Variants in LRTM3 observed in about 807,000 individuals in gnomAD.
LRTM3 encodes the protein leucine-rich repeat transmembrane protein 3.
the LRTM3 span, chr13:102,758,607 A>G: frequency 6.6e-7 from 1 of 1,525,980 alleles, no homozygotes; most frequent in Non-Finnish European, 8.8e-7. Flanking sequence ...TTGTTAGAGG[A>G]GTAATCGGAG....
At chr13:102,731,577 A>G in the LRTM3 span, 1 of 1,551,444 alleles carries the variant, frequency 6.4e-7, no homozygotes, top group Non-Finnish European at 8.7e-7. Flanking sequence ...TCAGGCTTAT[A>G]GGCTTGTATG....
At chr13:102,741,040 A>G in the LRTM3 span, 1 of 1,549,992 alleles carries the variant, frequency 6.5e-7, no homozygotes, top group Non-Finnish European at 8.7e-7. Flanking sequence ...GAACTTTTGA[A>G]CTCATGATTT....
At chr13:102,729,458 T>C in the LRTM3 span, 7 of 1,453,052 alleles carry the variant, frequency 4.8e-6, no homozygotes, top group South Asian at 9.3e-5. Flanking sequence ...ATGTCAGCTA[T>C]GAAAAACGGT....
the LRTM3 span, chr13:102,736,798 G>C: frequency 6.4e-7 from 1 of 1,550,998 alleles, no homozygotes; most frequent in South Asian, 1.2e-5. Flanking sequence ...TATCCTTTTG[G>C]ATCTGGGCCA....
the LRTM3 span, among the ~76,000 whole-genome samples, chr13:102,756,244 G>A: frequency 6.7e-6 from 1 of 148,550 alleles, no homozygotes; most frequent in African/African-American, 2.5e-5. Context: ...GAGCCACCGT[G>A]TTACACATAC....
At chr13:102,740,496 T>C in the LRTM3 span, 1 of 1,550,104 alleles carries the variant, frequency 6.5e-7, no homozygotes, top group South Asian at 1.2e-5. Context: ...TCCCAAAAGT[T>C]CTCATAGGAA....
At chr13:102,735,444 A>G in the LRTM3 span, 14 of 1,551,170 alleles carry the variant, frequency 9.0e-6, no homozygotes, top group Non-Finnish European at 1.2e-5. Flanking sequence ...GTTGTATCAA[A>G]CTTAAGATAT....
chr13:102,745,817 A>G, the LRTM3 span: 1 of 1,551,180 alleles, frequency 6.4e-7, no homozygotes, highest in African/African-American at 1.4e-5. Context: ...ATGACTCTCT[A>G]CCTTTTCAAA....
the LRTM3 span, chr13:102,737,832 C>T: frequency 1.3e-6 from 2 of 1,550,970 alleles, no homozygotes; most frequent in East Asian, 4.9e-5. Context: ...TGGTCTTCCT[C>T]TCCTTCTATT....
chr13:102,755,938 TATACA>T, the LRTM3 span, among the ~76,000 whole-genome samples: 4 of 34,798 alleles, frequency 1.1e-4, no homozygotes, highest in African/African-American at 2.3e-4. Context: ...TGTGTATATA[TATACA>T]TATATATATA....
chr13:102,739,906 G>A, the LRTM3 span: 4 of 1,550,280 alleles, frequency 2.6e-6, no homozygotes, highest in Admixed American at 5.9e-5. Flanking sequence ...TTTCTAGTCT[G>A]TTACTTGAGG....
At chr13:102,738,567 T>A in the LRTM3 span, 1 of 1,550,750 alleles carries the variant, frequency 6.4e-7, no homozygotes, top group Non-Finnish European at 8.7e-7. Flanking sequence ...TTTTCCATTT[T>A]TTGCCTCTGT....
chr13:102,739,995 C>T, the LRTM3 span: 14 of 1,550,316 alleles, frequency 9.0e-6, no homozygotes, highest in East Asian at 9.8e-5. Context: ...TGGCATATCA[C>T]GCCTTTCCTA....
chr13:102,739,192 T>C, the LRTM3 span: 5 of 1,549,842 alleles, frequency 3.2e-6, no homozygotes, highest in Admixed American at 2.0e-5. Context: ...TTTTCTCTAG[T>C]TTTTTATTGC....
the LRTM3 span, among the ~76,000 whole-genome samples, chr13:102,751,676 C>A: frequency 6.6e-6 from 1 of 152,146 alleles, no homozygotes; most frequent in Non-Finnish European, 1.5e-5. Context: ...TTATCTCTTA[C>A]TTTACTGTAA....
chr13:102,746,484 C>T, the LRTM3 span: 197 of 1,550,560 alleles, frequency 1.3e-4, no homozygotes, highest in Middle Eastern at 5.0e-4. Context: ...GGTACCAATC[C>T]TTTAGTTTGG....
the LRTM3 span, chr13:102,732,510 C>G: frequency 6.4e-7 from 1 of 1,551,132 alleles, no homozygotes; most frequent in Middle Eastern, 1.7e-4. Flanking sequence ...TAAAATGAAT[C>G]CAGAACATTT....
At chr13:102,729,408 A>C in the LRTM3 span, 2 of 1,368,470 alleles carry the variant, frequency 1.5e-6, no homozygotes, top group East Asian at 5.1e-5. Context: ...ATATCACAAT[A>C]GCGACCAGCT....
the LRTM3 span, among the ~76,000 whole-genome samples, chr13:102,757,646 G>T: frequency 1.4e-4 from 21 of 152,164 alleles, no homozygotes; most frequent in African/African-American, 4.6e-4. Flanking sequence ...GTCCTTTTCG[G>T]GCTAATGTTC....
Sources: allele counts gnomAD v4.1 joint callset (sites outside exome capture counted in the v4.1 genomes callset), GRCh38; gene constraint gnomAD v4.1.1; transcripts MANE v1.5; gene names NCBI Gene and HGNC (gene_info 2026-07-23, HGNC 2026-07-21).